TRAPPC10: variants seen among roughly 807,000 people sequenced by gnomAD.
TRAPPC10 encodes the protein trafficking protein particle complex subunit 10.
In TRAPPC10, 23 loss-of-function variants were observed where a neutral mutation model predicts 125.5. That is an observed-to-expected ratio of 0.18 (90% CI 0.13 to 0.26). The LOEUF (loss-of-function observed/expected upper bound fraction) is 0.26, where lower values mean the gene tolerates loss of function less well. TRAPPC10 is among the 10% of genes least tolerant of loss of function. The probability of loss-of-function intolerance (pLI) is 1.00; values close to 1 mark genes in which losing one functional copy is unlikely to be tolerated. For missense variants in TRAPPC10, 1,123 were observed against 1,308.4 expected, an observed-to-expected ratio of 0.86 and a Z score of 2.19; for synonymous variants, 509 against 518.0, an observed-to-expected ratio of 0.98 and a Z score of 0.24.
intron 1 of TRAPPC10, among the ~76,000 whole-genome samples, chr21:44,013,500 ACT>A (rs1274533393): frequency 3.9e-5 from 6 of 151,928 alleles, no homozygotes; most frequent in African/African-American, 9.7e-5. Flanking sequence ...GAAAGGAAGC[ACT>A]CTCTGTTGCA....
At chr21:44,045,675 C>A (rs1381597163) in intron 3 of TRAPPC10, among the ~76,000 whole-genome samples, 1 of 152,052 alleles carries the variant, frequency 6.6e-6, no homozygotes, top group Non-Finnish European at 1.5e-5. Flanking sequence ...CCTCAGCCTC[C>A]TGAGTAGCTG....
chr21:44,014,151 A>G (rs1237783097), intron 1 of TRAPPC10, among the ~76,000 whole-genome samples: 1 of 152,210 alleles, frequency 6.6e-6, no homozygotes, highest in Admixed American at 6.5e-5. Context: ...ATGTATTTAT[A>G]GGCATTATGT....
intron 3 of TRAPPC10, among the ~76,000 whole-genome samples, chr21:44,044,750 G>A (rs539169757): frequency 1.7e-4 from 23 of 136,276 alleles, no homozygotes; most frequent in South Asian, 5.0e-4. Context: ...TGCAACCTCC[G>A]CCTCCCAGGT....
intron 1 of TRAPPC10, among the ~76,000 whole-genome samples, chr21:44,016,782 C>T (rs2031893901): frequency 6.6e-6 from 1 of 152,178 alleles, no homozygotes; most frequent in South Asian, 2.1e-4. Context: ...CCTCAGCCTT[C>T]CGAGTAGCTG....
rs1322356758 is a variant in TRAPPC10, at chr21:44,012,469, G to A, written c.-25G>A. 3 of 1,447,538 alleles carry A rather than the reference G, an allele frequency of 2.1e-6. No homozygotes were observed. The highest frequency in any genetic ancestry group is 2.6e-5 in the South Asian group (2 of 78,076). 89.7% of individuals were successfully genotyped at this position (1,447,538 alleles called of 1,614,324 possible). On this transcript the variant is annotated 5_prime_UTR_variant, in exon 1 of 23. Coordinates refer to ENST00000291574, the MANE Select transcript of TRAPPC10 (RefSeq NM_003274.5). Reference sequence around the variant, plus strand: ...CGGGGCTGCCCATGGGGCGCGGGGGGCCGGGCCGGTGACGCCGGACGCCCA... The same window carrying A: ...CGGGGCTGCCCATGGGGCGCGGGGGACCGGGCCGGTGACGCCGGACGCCCA...
In TRAPPC10 at chr21:44,075,131, G is replaced by T; in HGVS notation, c.1278G>T (p.Leu426Phe). Residue 426 changes from leucine (L) to phenylalanine (F), a missense_variant, in exon 9 of 23, where the codon TTG (leucine) becomes TTT (phenylalanine). Around this residue, in one of 4 missense-constraint regions of TRAPPC10, gnomAD observed 840 missense variants for 902.0 expected, o/e 0.93. Coordinates refer to ENST00000291574, the MANE Select transcript of TRAPPC10 (RefSeq NM_003274.5). ...GGACAGTTGACCTTTTGGCAGGTTT[G>T]GGAGCTGAGCGACCAGAAACAGGTA... ...LNRTVDLLAG[L>F]GAERPETANT... The T allele has an allele frequency of 6.2e-7, 1 of 1,614,120 alleles. No individual in the cohort carries two copies. Among genetic ancestry groups the T allele is most frequent in the Non-Finnish European group, 8.5e-7 (1 of 1,179,996 alleles).
chr21:44,038,078 A>C (rs1408561631), intron 3 of TRAPPC10, 151 bp downstream of exon 3: 1 of 1,155,072 alleles, frequency 8.7e-7, no homozygotes. Flanking sequence ...GTGGGGGAAG[A>C]GGACGCGCGG....
chr21:44,058,374 G>C (rs1249087023), intron 5 of TRAPPC10, among the ~76,000 whole-genome samples: 3 of 151,332 alleles, frequency 2.0e-5, no homozygotes, highest in African/African-American at 7.3e-5. Flanking sequence ...GTGGAGCTGA[G>C]TGAGGCCAGA....
Position 44,012,391 on chromosome 21 carries a change from C to CCGGG in TRAPPC10, c.-95_-92dup. 1 of 647,150 alleles carries CCGGG rather than the reference C, an allele frequency of 1.5e-6. No homozygotes were observed. Among genetic ancestry groups the CCGGG allele is most frequent in the Non-Finnish European group, 1.9e-6 (1 of 519,572 alleles). The allele number at this position is 647,150 out of a possible 1,614,324, so 40.1% of individuals were successfully genotyped here. ...CCGGCTCCGGAGCTGCCTGGCGCGG[C>CCGGG]CGGGCGGGCGGCGCCGCTCAGGCTC... On this transcript the variant is annotated 5_prime_UTR_variant, in exon 1 of 23. Transcript: ENST00000291574.
At chr21:44,086,327 G>T (rs771166516) in intron 15 of TRAPPC10, among the ~76,000 whole-genome samples, 3 of 152,208 alleles carry the variant, frequency 2.0e-5, no homozygotes, top group South Asian at 2.1e-4. Context: ...GAGTGAGGGG[G>T]AGCCACCTGA....
intron 7 of TRAPPC10, among the ~76,000 whole-genome samples, chr21:44,065,464 A>C (rs966571904): frequency 1.2e-4 from 19 of 152,110 alleles, no homozygotes; most frequent in Non-Finnish European, 2.4e-4. Context: ...AAGCTGCCCC[A>C]TTGCTTTTAG....
chr21:44,087,998 A>T lies in TRAPPC10; in HGVS notation c.2769+70A>T. 7.5e-7 allele frequency: 1 copy of T among 1,335,878 alleles called. No homozygotes were observed. The highest frequency in any genetic ancestry group is 1.4e-5 in the African/African-American group (1 of 69,000). 82.8% of individuals were successfully genotyped at this position (1,335,878 alleles called of 1,614,324 possible). On this transcript the variant is annotated intron_variant, in intron 17 of 22. Transcript: ENST00000291574. The surrounding 1 kb of genome is among the most constrained non-coding windows in gnomAD (Gnocchi z 4.6). ...GCCCGCCTGCCTGCTGGGAAAGGCG[A>T]TGTAGCGATGCCTGCTGTTAGCCTG...
chr21:44,052,598 C>T lies in TRAPPC10; in HGVS notation c.482+122C>T, dbSNP rs934991443. The T allele has an allele frequency of 2.1e-5, 19 of 900,096 alleles. No homozygotes were observed. In the African/African-American group the frequency reaches 3.0e-4, roughly 14 times the overall value. The allele number at this position is 900,096 out of a possible 1,614,324, so 55.8% of individuals were successfully genotyped here. On this transcript the variant is annotated intron_variant, in intron 4 of 22. Coordinates refer to ENST00000291574, the MANE Select transcript of TRAPPC10 (RefSeq NM_003274.5). ...CGAGTGAGTGTCCATGGGGTGCTGT[C>T]AAGGAGACCTGGTGCCTGTCCTTGT...
rs772549366 is a variant in TRAPPC10, at chr21:44,063,481, A to G, written c.791-57A>G. The G allele has an allele frequency of 2.5e-6, 4 of 1,584,596 alleles. No individual in the cohort carries two copies. The highest frequency in any genetic ancestry group is 3.4e-5 in the Admixed American group (2 of 58,270). On this transcript the variant is annotated intron_variant, in intron 6 of 22. Coordinates refer to ENST00000291574, the MANE Select transcript of TRAPPC10 (RefSeq NM_003274.5). The surrounding 1 kb of genome is among the most constrained non-coding windows in gnomAD (Gnocchi z 4.4). ...CCCACCATCCTCAGCCTGAGCAGGA[A>G]GCTCAGGAAGGTGAAGTACCTGCAA...
chr21:44,091,929 T>C lies in TRAPPC10; in HGVS notation c.2877T>C (p.Tyr959=), dbSNP rs373054987. The part of the protein sequence containing the change: ...HSLLSSGTRK[Y]VQVCVQNLSE... Reference sequence around the variant, plus strand: ...TTTTGTTTTTCCACTTTAGGAAATATGTTCAAGTTTGTGTCCAGAATTTGT... The same window carrying C: ...TTTTGTTTTTCCACTTTAGGAAATACGTTCAAGTTTGTGTCCAGAATTTGT... The change falls in exon 19 of 23, where the codon TAT becomes TAC. Residue 959 remains tyrosine (Y), a synonymous_variant. Transcript: ENST00000291574. The C allele has an allele frequency of 1.4e-5, 23 of 1,613,650 alleles. No homozygotes were observed. Among genetic ancestry groups the C allele is most frequent in the South Asian group, 2.2e-5 (2 of 91,040 alleles).
At chr21:44,047,725 A>G (rs1395853269) in intron 3 of TRAPPC10, among the ~76,000 whole-genome samples, 2 of 151,866 alleles carry the variant, frequency 1.3e-5, no homozygotes, top group African/African-American at 4.8e-5. Context: ...CTCTCATTCC[A>G]CTTAGCATAT....
At chr21:44,076,358 G>A (rs764458957) in intron 9 of TRAPPC10, among the ~76,000 whole-genome samples, 194 bp from the exon 10 acceptor site, 8 of 152,162 alleles carry the variant, frequency 5.3e-5, no homozygotes, top group Admixed American at 6.5e-5. Context: ...GACACAAAGC[G>A]TTTTGACTAT....
At chr21:44,054,802 G>A (rs1422735970) in intron 4 of TRAPPC10, among the ~76,000 whole-genome samples, 1 of 152,222 alleles carries the variant, frequency 6.6e-6, no homozygotes, top group Non-Finnish European at 1.5e-5. Flanking sequence ...AGGGATAGAG[G>A]TCCAGAGAAG....
Position 44,063,304 on chromosome 21 carries a change from A to G in TRAPPC10, c.791-234A>G, listed in dbSNP as rs1430355157. ...TTCCCAACCTGTTCAGCTCCCGCCCATGACTTTCTGGGCATGGTAGGGTGG... is the reference window on the plus strand; with the variant it reads ...TTCCCAACCTGTTCAGCTCCCGCCCGTGACTTTCTGGGCATGGTAGGGTGG... On this transcript the variant is annotated intron_variant, in intron 6 of 22. Transcript: ENST00000291574. The surrounding 1 kb of genome is among the most constrained non-coding windows in gnomAD (Gnocchi z 4.4). 3.4e-6 allele frequency: 4 copies of G among 1,182,132 alleles called. No individual in the cohort carries two copies. The highest frequency in any genetic ancestry group is 3.1e-5 in the Admixed American group (1 of 32,310). The allele number at this position is 1,182,132 out of a possible 1,614,324, so 73.2% of individuals were successfully genotyped here.
Sources: gnomAD v4.1 joint callset for allele counts (sites outside exome capture counted in the v4.1 genomes callset) on GRCh38, gnomAD v4.1.1 for gene constraint, gnomAD v4.1.1 regional missense constraint, Gnocchi (gnomAD v3.1) non-coding constraint, MANE v1.5 for transcripts, NCBI Gene and HGNC (gene_info 2026-07-23, HGNC 2026-07-21) for gene names.